SERPINI1: variants seen among roughly 807,000 people sequenced by gnomAD.
SERPINI1 encodes serpin family I member 1, also known as neuroserpin.
Under a neutral mutation model 41.1 loss-of-function variants are expected in SERPINI1, and 19 were observed. The ratio of observed to expected loss-of-function variants is 0.46; its 90% confidence interval spans 0.32 to 0.68. The LOEUF is 0.68. SERPINI1 is among the 30% of genes least tolerant of loss of function. The pLI is 0.03. For missense variants in SERPINI1, 460 were observed against 479.2 expected (o/e 0.96, Z 0.37); for synonymous variants, 138 against 156.6 (o/e 0.88, Z 0.89).
intron 2 of SERPINI1, among the ~76,000 whole-genome samples, chr3:167,789,776 G>A (rs1303567213): frequency 6.6e-6 from 1 of 152,068 alleles, no homozygotes; most frequent in African/African-American, 2.4e-5. Context: ...CTTAAAATCA[G>A]CAGTATCCTC....
At chr3:167,741,500 C>A (rs774863473) in intron 1 of SERPINI1, among the ~76,000 whole-genome samples, 11 of 152,212 alleles carry the variant, frequency 7.2e-5, no homozygotes, top group Non-Finnish European at 1.3e-4. Context: ...CTGTCATTTT[C>A]TTGATAACCT....
intron 1 of SERPINI1, among the ~76,000 whole-genome samples, chr3:167,781,768 G>A (rs116249404): frequency 0.016 from 2,317 of 149,132 alleles, 33 homozygotes; most frequent in Non-Finnish European, 0.025. Flanking sequence ...TAAAATAATT[G>A]GGTTATAAAA....
chr3:167,756,511 T>A (rs1726197281), intron 1 of SERPINI1, among the ~76,000 whole-genome samples: 1 of 152,112 alleles, frequency 6.6e-6, no homozygotes, highest in South Asian at 2.1e-4. Flanking sequence ...AGTTTCACCA[T>A]GTTACTCAGG....
In SERPINI1 at chr3:167,738,910, G is replaced by A. The variant is rs186113566; in HGVS notation, c.-19+3087G>A. ...CCTACCTGTATACACTAACTTCTAAGTGAAACATTATTTGGACAAAATATC... is the reference window on the plus strand; with the variant it reads ...CCTACCTGTATACACTAACTTCTAAATGAAACATTATTTGGACAAAATATC... On this transcript the variant is annotated intron_variant, in intron 1 of 8. Coordinates refer to ENST00000446050, the MANE Select transcript of SERPINI1 (RefSeq NM_001122752.2). Among the ~76,000 whole-genome samples the A allele has an allele frequency of 3.4e-4, 51 of 151,538 alleles. 1 individual carries two copies. The East Asian group carries it at 7.6e-3, about 23-fold the overall frequency.
intron 1 of SERPINI1, among the ~76,000 whole-genome samples, chr3:167,744,625 AAATATTT>A (rs1725788711): frequency 1.4e-5 from 2 of 137,944 alleles, no homozygotes; most frequent in African/African-American, 2.7e-5. Flanking sequence ...AACTATATTT[AAATATTT>A]TATATTTATA....
At chr3:167,818,918 G>C (rs889132703) in intron 6 of SERPINI1, among the ~76,000 whole-genome samples, 5 of 152,148 alleles carry the variant, frequency 3.3e-5, no homozygotes, top group African/African-American at 7.2e-5. Context: ...TCTTTGAGGA[G>C]AACCCCTTTT....
At chr3:167,757,900 C>A (rs1577402579) in intron 1 of SERPINI1, among the ~76,000 whole-genome samples, 1 of 152,156 alleles carries the variant, frequency 6.6e-6, no homozygotes, top group East Asian at 1.9e-4. Flanking sequence ...GCTGGGGCAA[C>A]AAAGTGAGAC....
chr3:167,747,813 A>T (rs942207757), intron 1 of SERPINI1, among the ~76,000 whole-genome samples: 2 of 152,230 alleles, frequency 1.3e-5, no homozygotes, highest in African/African-American at 4.8e-5. Flanking sequence ...AGACTAGCAG[A>T]TAAAAAGTAA....
intron 1 of SERPINI1, among the ~76,000 whole-genome samples, chr3:167,765,607 T>C (rs1410399227): frequency 6.6e-6 from 1 of 152,254 alleles, no homozygotes; most frequent in Non-Finnish European, 1.5e-5. Flanking sequence ...GTCTTGGGGA[T>C]AACATTCAGC....
chr3:167,759,934 G>A (rs1049230279), intron 1 of SERPINI1, among the ~76,000 whole-genome samples: 1 of 152,126 alleles, frequency 6.6e-6, no homozygotes, highest in Non-Finnish European at 1.5e-5. Context: ...CATTCCAAGA[G>A]ACAGACATTT....
chr3:167,778,193 T>A (rs925567901), intron 1 of SERPINI1, among the ~76,000 whole-genome samples: 1 of 151,938 alleles, frequency 6.6e-6, no homozygotes, highest in Non-Finnish European at 1.5e-5. Context: ...CCAGCTGTAC[T>A]CTTGCATGCA....
chr3:167,796,062 T>C (rs1727701992), intron 5 of SERPINI1, among the ~76,000 whole-genome samples: 1 of 152,130 alleles, frequency 6.6e-6, no homozygotes, highest in Non-Finnish European at 1.5e-5. Flanking sequence ...GTATTAAAGA[T>C]GAATTATTAA....
intron 5 of SERPINI1, chr3:167,800,084 G>T (rs911272460): frequency 1.3e-5 from 2 of 152,008 alleles, no homozygotes; most frequent in Admixed American, 1.3e-4. Context: ...AATTGAAATT[G>T]TATTTTTATC....
At chr3:167,813,262 C>T (rs1252891391) in intron 6 of SERPINI1, among the ~76,000 whole-genome samples, 1 of 152,210 alleles carries the variant, frequency 6.6e-6, no homozygotes, top group Admixed American at 6.5e-5. Flanking sequence ...CATCTTCCTG[C>T]CCCCAGCTGT....
chr3:167,822,958 A>G (rs1252214780), intron 6 of SERPINI1, 28 bp from the exon 7 acceptor site: 1 of 1,432,460 alleles, frequency 7.0e-7, no homozygotes. Context: ...TGAATGAAAA[A>G]AAAAAATTTC....
chr3:167,770,054 G>T (rs1216007439), intron 1 of SERPINI1, among the ~76,000 whole-genome samples: 1 of 143,396 alleles, frequency 7.0e-6, no homozygotes, highest in Non-Finnish European at 1.5e-5. Context: ...TGATGCCTAG[G>T]TCTTTGTCAC....
At chr3:167,792,815 T>G in intron 4 of SERPINI1, 31 bp downstream of exon 4, 1 of 1,519,352 alleles carries the variant, frequency 6.6e-7, no homozygotes. Context: ...ATTTCTCTCT[T>G]CTTGCAGAAT....
At chr3:167,802,335 A>G (rs1432768382) in intron 5 of SERPINI1, among the ~76,000 whole-genome samples, 1 of 151,592 alleles carries the variant, frequency 6.6e-6, no homozygotes, top group Non-Finnish European at 1.5e-5. Context: ...CAGAGTGAAC[A>G]GGCAACCTAC....
At chr3:167,769,438 C>T (rs1297599625) in intron 1 of SERPINI1, among the ~76,000 whole-genome samples, 1 of 152,146 alleles carries the variant, frequency 6.6e-6, no homozygotes, top group Non-Finnish European at 1.5e-5. Context: ...GACTTTGATA[C>T]AAAATATTTA....
Sources: gnomAD v4.1 joint callset for allele counts (sites outside exome capture counted in the v4.1 genomes callset) on GRCh38, gnomAD v4.1.1 for gene constraint, MANE v1.5 for transcripts, NCBI Gene and HGNC (gene_info 2026-07-23, HGNC 2026-07-21) for gene names.